CYSLTR1: variants seen among roughly 807,000 people sequenced by gnomAD.
CYSLTR1 encodes the protein G-protein coupled receptor HG55.
Under a neutral mutation model 2.1 loss-of-function variants are expected in CYSLTR1, and 1 was observed. The observed-to-expected ratio is 0.48, with a 90% CI of 0.17 to 2.28. The LOEUF is 2.28. Ranked by LOEUF, CYSLTR1 falls within the 30% of genes most tolerant of loss-of-function variation. The pLI, the probability that CYSLTR1 is intolerant of heterozygous loss-of-function variation, is 0.26. For missense variants in CYSLTR1, 299 were observed against 250.1 expected (o/e 1.20, Z -1.32); for synonymous variants, 110 against 89.6 (o/e 1.23, Z -1.28).
intron 1 of CYSLTR1, among the ~76,000 whole-genome samples, chrX:78,315,060 C>T (rs1224882257): frequency 2.8e-5 from 3 of 105,405 alleles, no homozygotes; most frequent in African/African-American, 1.0e-4. Flanking sequence ...CTTTATCTTG[C>T]ATCTTGGATA....
At chrX:78,292,811 T>A (rs1391411818) in intron 1 of CYSLTR1, among the ~76,000 whole-genome samples, 1 of 109,677 alleles carries the variant, frequency 9.1e-6, no homozygotes, top group African/African-American at 3.3e-5. Context: ...TTTTTTTTTT[T>A]TGCTTTCCCT....
At chrX:78,326,437 T>C (rs980727353) in intron 1 of CYSLTR1, among the ~76,000 whole-genome samples, 4 of 112,205 alleles carry the variant, frequency 3.6e-5, no homozygotes, top group African/African-American at 1.3e-4. Context: ...AGACATATGG[T>C]ATCATAGTTT....
chrX:78,281,686 AT>A (rs1921851635), intron 2 of CYSLTR1, among the ~76,000 whole-genome samples: 1 of 111,665 alleles, frequency 9.0e-6, no homozygotes, highest in African/African-American at 3.3e-5. Flanking sequence ...TAATATAATA[AT>A]TTCAAGTAAA....
At chrX:78,319,718 C>G (rs949054641) in intron 1 of CYSLTR1, 9 of 112,140 alleles carry the variant, frequency 8.0e-5, no homozygotes, top group African/African-American at 2.9e-4. Flanking sequence ...GACTGCTTTA[C>G]AAACCCACCA....
At chrX:78,305,738 C>A (rs751391072) in intron 1 of CYSLTR1, among the ~76,000 whole-genome samples, 3 of 112,632 alleles carry the variant, frequency 2.7e-5, no homozygotes, top group East Asian at 5.6e-4. Context: ...CAGTATTTAT[C>A]TTTCTGTGAT....
rs182832013 is a variant in CYSLTR1 at position 78,306,353 on chromosome X, C to T, written c.-115+20952G>A. Among the ~76,000 whole-genome samples, 21 of 110,158 alleles carry T rather than the reference C, an allele frequency of 1.9e-4. No homozygotes were observed. In the East Asian group the frequency reaches 2.8e-3, roughly 15 times the overall value. The stretch of plus-strand genomic sequence containing the variant: ...TAATTTTTGTATTTTTAGTAGAGAC[C>T]GTGTTTCACCATGTTGGCAAGGTTG... On this transcript the variant is annotated intron_variant, in intron 1 of 2. Coordinates refer to ENST00000373304, the MANE Select transcript of CYSLTR1 (RefSeq NM_006639.4).
chrX:78,317,532 A>G (rs926493893), intron 1 of CYSLTR1, among the ~76,000 whole-genome samples: 22 of 112,729 alleles, frequency 2.0e-4, no homozygotes, highest in African/African-American at 6.8e-4. Flanking sequence ...ATGCACATGC[A>G]TGTTTATAGT....
At chrX:78,303,958 G>T (rs772878678) in intron 1 of CYSLTR1, among the ~76,000 whole-genome samples, 3 of 111,583 alleles carry the variant, frequency 2.7e-5, no homozygotes, top group Non-Finnish European at 5.7e-5. Context: ...AGAGCTGTAG[G>T]ATAAGAGATT....
chrX:78,323,042 G>A (rs1033102494), intron 1 of CYSLTR1, among the ~76,000 whole-genome samples: 3 of 112,033 alleles, frequency 2.7e-5, no homozygotes, highest in African/African-American at 9.7e-5. Context: ...CAGAACTTAA[G>A]GGAAATGAAA....
Position 78,273,735 on chromosome X carries a change from T to G in CYSLTR1, c.12A>C (p.Thr4=). The G allele has an allele frequency of 8.4e-7, 1 of 1,196,095 alleles. No individual in the cohort carries two copies. Among genetic ancestry groups the G allele is most frequent in the East Asian group, 3.0e-5 (1 of 33,568 alleles). Residue 4 remains threonine (T), a synonymous_variant, in exon 3 of 3, where the codon ACA becomes ACC. Transcript: ENST00000373304. MDE[T]GNLTVSSATC... ...TGGCAGAAGATACTGTCAGATTTCC[T>G]GTTTCATCCATGTTTCTCTACGAAT...
chrX:78,326,764 T>C (rs1923874001), intron 1 of CYSLTR1, among the ~76,000 whole-genome samples: 1 of 111,825 alleles, frequency 8.9e-6, no homozygotes, highest in Non-Finnish European at 1.9e-5. Flanking sequence ...TCAAGAAAAT[T>C]TTTTAGCCTC....
chrX:78,277,837 G>C (rs1395249372), intron 2 of CYSLTR1, among the ~76,000 whole-genome samples: 1 of 111,903 alleles, frequency 8.9e-6, no homozygotes, highest in African/African-American at 3.2e-5. Flanking sequence ...GAACCAGTGG[G>C]AGAGCTCTGA....
At chrX:78,320,827 A>C (rs927455686) in intron 1 of CYSLTR1, 3 of 111,261 alleles carry the variant, frequency 2.7e-5, no homozygotes, top group African/African-American at 9.8e-5. Flanking sequence ...GGTCCTTCAC[A>C]TCCCTTGTAA....
intron 1 of CYSLTR1, among the ~76,000 whole-genome samples, chrX:78,314,089 G>C (rs1923319352): frequency 9.0e-6 from 1 of 111,502 alleles, no homozygotes; most frequent in Non-Finnish European, 1.9e-5. Flanking sequence ...GACACGGTGA[G>C]AGAATTATTT....
chrX:78,292,362 A>G (rs1282201453), intron 1 of CYSLTR1, among the ~76,000 whole-genome samples: 2 of 111,967 alleles, frequency 1.8e-5, no homozygotes, highest in East Asian at 2.8e-4. Context: ...GTTCTTTTAC[A>G]TTTGCTAAGG....
intron 1 of CYSLTR1, chrX:78,319,559 G>T (rs1443026365): frequency 9.1e-6 from 1 of 110,244 alleles, no homozygotes; most frequent in Non-Finnish European, 1.9e-5. Context: ...ATTGTGAATA[G>T]TGCCACAATA....
At chrX:78,276,249 G>C (rs1023695932) in intron 2 of CYSLTR1, among the ~76,000 whole-genome samples, 1 of 112,093 alleles carries the variant, frequency 8.9e-6, no homozygotes, top group African/African-American at 3.2e-5. Flanking sequence ...GTGAGATACT[G>C]TAGTGTAGAA....
intron 1 of CYSLTR1, among the ~76,000 whole-genome samples, chrX:78,303,088 T>C (rs1417422453): frequency 4.5e-5 from 5 of 111,713 alleles, no homozygotes; most frequent in Non-Finnish European, 9.4e-5. Context: ...TTGTGGGAAC[T>C]CAAGTTCTGA....
chrX:78,316,660 T>C (rs1361365822), intron 1 of CYSLTR1, among the ~76,000 whole-genome samples: 1 of 111,629 alleles, frequency 9.0e-6, no homozygotes, highest in Non-Finnish European at 1.9e-5. Context: ...TGGAACAGAA[T>C]AGAGAACCCC....
Sources: gnomAD v4.1 joint callset for allele counts (sites outside exome capture counted in the v4.1 genomes callset) on GRCh38, gnomAD v4.1.1 for gene constraint, MANE v1.5 for transcripts, NCBI Gene and HGNC (gene_info 2026-07-23, HGNC 2026-07-21) for gene names.